CDH12: variants seen among roughly 807,000 people sequenced by gnomAD.
CDH12 encodes cadherin 12.
A neutral mutation model predicts 74.1 loss-of-function variants in CDH12; 41 were observed. The observed-to-expected ratio is 0.55, with a 90% CI of 0.43 to 0.72. CDH12 has a LOEUF of 0.72. Among genes scored for constraint, CDH12 ranks in the 30% least tolerant of loss-of-function variants. The pLI is 0.00. For missense variants in CDH12, 945 were observed against 977.2 expected (o/e 0.97, Z 0.44); for synonymous variants, 399 against 355.0 (o/e 1.12, Z -1.39).
rs377627442 is a variant in CDH12 at position 22,623,614 on chromosome 5, G to A, written c.-522-118250C>T. The stretch of plus-strand genomic sequence containing the variant: ...TAGGAATCCAACTTACAAGGGACAT[G>A]AAGGACCTCTTCAAGGAGAACTACA... On this transcript the variant is annotated intron_variant, in intron 1 of 14. Coordinates refer to ENST00000382254, the MANE Select transcript of CDH12 (RefSeq NM_004061.5). Among the ~76,000 whole-genome samples, 44 of 152,256 alleles carry A rather than the reference G, an allele frequency of 2.9e-4. No individual in the cohort carries two copies. The East Asian group carries it at 2.9e-3, about 10-fold the overall frequency.
At chr5:22,694,428 T>C (rs1742243423) in intron 1 of CDH12, among the ~76,000 whole-genome samples, 1 of 152,184 alleles carries the variant, frequency 6.6e-6, no homozygotes, top group Admixed American at 6.5e-5. Context: ...TTAATTGTTA[T>C]GTTAACTTAG....
chr5:22,722,670 CAT>C (rs1014738531), intron 1 of CDH12, among the ~76,000 whole-genome samples: 4 of 152,210 alleles, frequency 2.6e-5, no homozygotes, highest in Non-Finnish European at 5.9e-5. Flanking sequence ...TATGCGTACA[CAT>C]AGTTGCAGCC....
chr5:22,819,195 C>T lies in CDH12; in HGVS notation c.-523+33863G>A, dbSNP rs138437722. The stretch of plus-strand genomic sequence containing the variant: ...ATTGCTGACGCAGGTAAACTTAAAT[C>T]TGTTTTTCATTGTCATAGGACTAAA... On this transcript the variant is annotated intron_variant, in intron 1 of 14. Coordinates refer to ENST00000382254, the MANE Select transcript of CDH12 (RefSeq NM_004061.5). 3.9e-3 allele frequency among the ~76,000 whole-genome samples: 600 copies of T among 152,200 alleles called. 5 individuals are homozygous for T. Among genetic ancestry groups the T allele is most frequent in the Non-Finnish European group, 6.5e-3 (441 of 68,002 alleles).
At chr5:21,769,887 A>G (rs1360370670) in intron 11 of CDH12, among the ~76,000 whole-genome samples, 1 of 152,210 alleles carries the variant, frequency 6.6e-6, no homozygotes, top group East Asian at 1.9e-4. Context: ...TTTGAAAACT[A>G]TAGATGCATA....
At chr5:22,347,348 T>C (rs1297335907) in intron 3 of CDH12, among the ~76,000 whole-genome samples, 1 of 152,144 alleles carries the variant, frequency 6.6e-6, no homozygotes, top group Non-Finnish European at 1.5e-5. Context: ...GTCTCTGGCT[T>C]TCATCTTTCT....
rs149480148 is a variant in CDH12 at position 22,595,941 on chromosome 5, T to TA, written c.-522-90578dup. Among the ~76,000 whole-genome samples, 5 of 148,522 alleles carry TA rather than the reference T, an allele frequency of 3.4e-5. 1 individual carries two copies. The East Asian group carries it at 5.9e-4, about 18-fold the overall frequency. ...AAATAAATAAATAAATAAAAATAAA[T>TA]AAAAAAAATTAAAAAAATTAGCCTG... On this transcript the variant is annotated intron_variant, in intron 1 of 14. Coordinates refer to ENST00000382254, the MANE Select transcript of CDH12 (RefSeq NM_004061.5).
chr5:22,496,411 T>C (rs1344566633), intron 2 of CDH12, among the ~76,000 whole-genome samples: 2 of 152,240 alleles, frequency 1.3e-5, no homozygotes, highest in Non-Finnish European at 2.9e-5. Context: ...TTTTGATCTA[T>C]GTCACTTTGT....
intron 1 of CDH12, among the ~76,000 whole-genome samples, chr5:22,579,734 C>G (rs567189358): frequency 6.6e-6 from 1 of 152,106 alleles, no homozygotes. Flanking sequence ...TTACAAAAAT[C>G]ATTTAGAGTA....
At chr5:22,042,795 T>G (rs947480688) in intron 5 of CDH12, among the ~76,000 whole-genome samples, 13 of 147,348 alleles carry the variant, frequency 8.8e-5, no homozygotes, top group Non-Finnish European at 1.6e-4. Context: ...GAGGCAGAGG[T>G]AGGAGGACTG....
chr5:22,244,745 AAAGAAAG>A (rs1168501074), intron 3 of CDH12, among the ~76,000 whole-genome samples: 5 of 22,726 alleles, frequency 2.2e-4, no homozygotes, highest in Non-Finnish European at 6.2e-4. Flanking sequence ...GAAAGAAAAG[AAAGAAAG>A]AAAGAAAGAA....
intron 2 of CDH12, among the ~76,000 whole-genome samples, chr5:22,465,337 G>A (rs1438507921): frequency 6.6e-6 from 1 of 152,098 alleles, no homozygotes; most frequent in Admixed American, 6.5e-5. Context: ...TTCCAATTTA[G>A]ATGACTCATA....
chr5:22,445,270 G>T (rs1256695643), intron 2 of CDH12, among the ~76,000 whole-genome samples: 1 of 151,996 alleles, frequency 6.6e-6, no homozygotes, highest in Non-Finnish European at 1.5e-5. Context: ...AAAACTCTAA[G>T]ATTCCTAAGT....
chr5:22,078,488 C>T lies in CDH12; in HGVS notation c.189G>A (p.Val63=), dbSNP rs779808329. Residue 63 remains valine (V), a synonymous_variant, in exon 5 of 15, where the codon GTG becomes GTA. Transcript: ENST00000382254. ...GCTCGGAGCCCACGTATTCTTCCAG[C>T]ACAAAAAATTGATTCCATACCCAGC... is the stretch of plus-strand genomic sequence containing the variant. ...KRGWVWNQFF[V]LEEYVGSEPQ... 1.9e-6 allele frequency: 3 copies of T among 1,613,894 alleles called. No individual in the cohort carries two copies. The highest frequency in any genetic ancestry group is 2.2e-5 in the South Asian group (2 of 91,074).
At chr5:22,386,616 T>C (rs1742011658) in intron 3 of CDH12, among the ~76,000 whole-genome samples, 2 of 152,234 alleles carry the variant, frequency 1.3e-5, no homozygotes, top group African/African-American at 2.4e-5. Flanking sequence ...AGTTTCCTGC[T>C]ATCTAGAGTT....
chr5:22,165,054 C>T (rs1748603463), intron 4 of CDH12, among the ~76,000 whole-genome samples: 1 of 149,934 alleles, frequency 6.7e-6, no homozygotes, highest in Admixed American at 6.7e-5. Context: ...TTCATCTCAC[C>T]GCATAACAAT....
At chr5:21,829,326 C>A (rs886777833) in intron 8 of CDH12, among the ~76,000 whole-genome samples, 1 of 151,928 alleles carries the variant, frequency 6.6e-6, no homozygotes, top group Non-Finnish European at 1.5e-5. Flanking sequence ...AACCAAAAAC[C>A]AAAAGCAAAA....
intron 1 of CDH12, among the ~76,000 whole-genome samples, chr5:22,529,807 A>G (rs1737506546): frequency 6.6e-6 from 1 of 152,162 alleles, no homozygotes; most frequent in Non-Finnish European, 1.5e-5. Flanking sequence ...AAAGAAAATA[A>G]TTGTTTATCC....
intron 4 of CDH12, among the ~76,000 whole-genome samples, chr5:22,091,337 C>T (rs995763692): frequency 1.4e-5 from 2 of 148,072 alleles, no homozygotes; most frequent in East Asian, 3.9e-4. Flanking sequence ...GTGTTAGAGG[C>T]CTGGCAGCAT....
At chr5:22,281,706 G>A (rs1192435686) in intron 3 of CDH12, among the ~76,000 whole-genome samples, 3 of 152,100 alleles carry the variant, frequency 2.0e-5, no homozygotes, top group African/African-American at 7.2e-5. Context: ...AGAAACCACT[G>A]CTCAAGGAAA....
Sources: gnomAD v4.1 joint callset for allele counts (sites outside exome capture counted in the v4.1 genomes callset) on GRCh38, gnomAD v4.1.1 for gene constraint, MANE v1.5 for transcripts, NCBI Gene and HGNC (gene_info 2026-07-23, HGNC 2026-07-21) for gene names.